MALRD1: variants seen among roughly 807,000 people sequenced by gnomAD.
The protein encoded by MALRD1 is MAM and LDL-receptor class A domain-containing protein 1.
A neutral mutation model predicts 242.1 loss-of-function variants in MALRD1; 247 were observed. The observed-to-expected ratio is 1.02, with a 90% CI of 0.92 to 1.13. MALRD1 has a LOEUF of 1.13. Among genes scored for constraint, MALRD1 ranks in the 50% most tolerant of loss-of-function variants. The pLI is 0.00. For missense variants in MALRD1, 2,989 were observed against 2,533.1 expected, an observed-to-expected ratio of 1.18 and a Z score of -3.86; for synonymous variants, 995 against 866.6, an observed-to-expected ratio of 1.15 and a Z score of -2.60.
At chr10:19,328,861 T>A (rs1843244561) in intron 23 of MALRD1, among the ~76,000 whole-genome samples, 1 of 152,162 alleles carries the variant, frequency 6.6e-6, no homozygotes, top group African/African-American at 2.4e-5. Flanking sequence ...GGATCCCAAC[T>A]GTTCAGCCTC....
chr10:19,138,941 T>G (rs1833448226), intron 10 of MALRD1, among the ~76,000 whole-genome samples: 1 of 152,236 alleles, frequency 6.6e-6, no homozygotes, highest in African/African-American at 2.4e-5. Context: ...TGGGTAATTG[T>G]GTTTCTCAAC....
chr10:19,173,494 GC>G (rs1336867829), intron 13 of MALRD1, among the ~76,000 whole-genome samples: 1 of 151,988 alleles, frequency 6.6e-6, no homozygotes, highest in Admixed American at 6.6e-5. Context: ...TATAGTCTAT[GC>G]AATTTTTCTT....
chr10:19,605,055 A>G (rs1387791751), intron 34 of MALRD1, among the ~76,000 whole-genome samples: 4 of 152,172 alleles, frequency 2.6e-5, no homozygotes, highest in East Asian at 1.9e-4. Context: ...TTGTCTATGT[A>G]TATCCTAAAA....
intron 19 of MALRD1, among the ~76,000 whole-genome samples, chr10:19,260,562 G>T (rs1839701362): frequency 6.6e-6 from 1 of 152,192 alleles, no homozygotes; most frequent in South Asian, 2.1e-4. Flanking sequence ...AGGGAGCTCA[G>T]CAGGGGTAGG....
chr10:19,606,947 C>A (rs78380761), intron 34 of MALRD1, among the ~76,000 whole-genome samples: 1 of 152,074 alleles, frequency 6.6e-6, no homozygotes, highest in Non-Finnish European at 1.5e-5. Context: ...TTTAGGAAAA[C>A]TGAGCTTCCT....
At chr10:19,441,986 GTTTGT>G (rs1267451043) in intron 28 of MALRD1, among the ~76,000 whole-genome samples, 1 of 152,140 alleles carries the variant, frequency 6.6e-6, no homozygotes, top group Non-Finnish European at 1.5e-5. Flanking sequence ...TCTTCCATTT[GTTTGT>G]GTCCTCTTTT....
At chr10:19,382,341 CGTGT>C (rs373616841) in intron 26 of MALRD1, among the ~76,000 whole-genome samples, 1 of 88,304 alleles carries the variant, frequency 1.1e-5, no homozygotes, top group Non-Finnish European at 2.2e-5. Flanking sequence ...TAGATGGAAG[CGTGT>C]GTGTGTGTGT....
intron 36 of MALRD1, among the ~76,000 whole-genome samples, chr10:19,672,465 C>T (rs1008582494): frequency 3.4e-5 from 5 of 148,790 alleles, no homozygotes; most frequent in Non-Finnish European, 4.4e-5. Context: ...TCTCTCTCAC[C>T]TAGGCTGGAG....
intron 32 of MALRD1, among the ~76,000 whole-genome samples, chr10:19,543,433 C>CTATTTTTTTT (rs778674889): frequency 2.8e-5 from 3 of 106,410 alleles, no homozygotes; most frequent in African/African-American, 1.0e-4. Flanking sequence ...CAGCTGATTT[C>CTATTTTTTTT]TTTTTTTTTT....
rs767552170 is a variant in MALRD1, at chr10:19,331,407, A to G, written c.3726A>G (p.Gly1242=). The change falls in exon 24 of 40, where the codon GGA becomes GGG. Residue 1242 remains glycine, a synonymous_variant. Transcript: ENST00000454679. ...CCAAACGTGGTATCAGTTACATAGG[A>G]GATGTAGCAGTGGATGATATTTCCT... ...FRAKRGISYI[G]DVAVDDISFQ... The G allele has an allele frequency of 6.5e-7, 1 of 1,550,216 alleles. No homozygotes were observed. Among genetic ancestry groups the G allele is most frequent in the Non-Finnish European group, 8.7e-7 (1 of 1,146,840 alleles).
At position 19,123,586 on chromosome 10, in the gene MALRD1, G is replaced by T; in HGVS notation, c.789G>T (p.Glu263Asp). Residue 263 changes from glutamate to aspartate, a missense_variant, in exon 6 of 40, where the codon GAG becomes GAT. By Grantham distance (45) the Glu-to-Asp change is conservative. Transcript: ENST00000454679. ...DLCRFDATDEELRLCQACGFE... is the reference protein window; with the variant it reads ...DLCRFDATDEDLRLCQACGFE... ...GCAGATTTGATGCTACAGATGAAGA[G>T]TTGAGATGTAAGTGTTAAATTGAGA... 1 of 1,231,986 alleles carries T rather than the reference G, an allele frequency of 8.1e-7. No homozygotes were observed. The highest frequency in any genetic ancestry group is 1.0e-6 in the Non-Finnish European group (1 of 986,446). 76.3% of individuals were successfully genotyped at this position (1,231,986 alleles called of 1,614,324 possible).
At chr10:19,586,707 G>A (rs1837426425) in intron 33 of MALRD1, among the ~76,000 whole-genome samples, 1 of 152,254 alleles carries the variant, frequency 6.6e-6, no homozygotes. Context: ...CCCAGAGGTG[G>A]AGCCTACAGA....
At chr10:19,148,311 C>T (rs7916470) in intron 11 of MALRD1, among the ~76,000 whole-genome samples, 34,579 of 151,538 alleles carry the variant, frequency 0.23, 4,659 homozygotes, top group Admixed American at 0.32. Context: ...GGTTCCGACA[C>T]GATGTTGACA....
At chr10:19,284,296 A>G (rs1840985692) in intron 21 of MALRD1, among the ~76,000 whole-genome samples, 1 of 150,332 alleles carries the variant, frequency 6.7e-6, no homozygotes, top group African/African-American at 2.5e-5. Flanking sequence ...ACATGTGCAC[A>G]TTGTGCAGGT....
intron 23 of MALRD1, among the ~76,000 whole-genome samples, chr10:19,330,357 A>C (rs994101763): frequency 6.6e-6 from 1 of 151,966 alleles, no homozygotes; most frequent in African/African-American, 2.4e-5. Context: ...GAAAAAAAAA[A>C]CTATAATTAT....
chr10:19,132,023 C>A (rs1316484637), intron 8 of MALRD1, among the ~76,000 whole-genome samples: 1 of 152,104 alleles, frequency 6.6e-6, no homozygotes, highest in Non-Finnish European at 1.5e-5. Context: ...ATAGAAAAAT[C>A]TAGATCTCAT....
intron 4 of MALRD1, among the ~76,000 whole-genome samples, chr10:19,094,921 G>A (rs527595335): frequency 6.6e-6 from 1 of 152,090 alleles, no homozygotes; most frequent in African/African-American, 2.4e-5. Flanking sequence ...AAGAATTATT[G>A]CCTATTTTAA....
At chr10:19,539,857 CGTGTGT>C (rs368123598) in intron 32 of MALRD1, among the ~76,000 whole-genome samples, 3,537 of 126,966 alleles carry the variant, frequency 0.028, 70 homozygotes, top group Middle Eastern at 0.059. Context: ...CAGCTTTGTG[CGTGTGT>C]GTGTGTGTGT....
chr10:19,403,300 A>T (rs931166779), intron 28 of MALRD1, among the ~76,000 whole-genome samples: 1 of 152,182 alleles, frequency 6.6e-6, no homozygotes, highest in African/African-American at 2.4e-5. Context: ...AAATTAGACC[A>T]TCTGGTTATG....
Sources: allele counts gnomAD v4.1 joint callset (sites outside exome capture counted in the v4.1 genomes callset), GRCh38; gene constraint gnomAD v4.1.1; transcripts MANE v1.5; gene names NCBI Gene and HGNC (gene_info 2026-07-23, HGNC 2026-07-21).